NEDD4: variants seen among roughly 807,000 people sequenced by gnomAD.
The protein encoded by NEDD4 is NEDD4 E3 ubiquitin protein ligase.
NEDD4 carries 99 observed loss-of-function variants against 144.9 expected under a neutral mutation model. The ratio of observed to expected loss-of-function variants is 0.68; its 90% CI spans 0.58 to 0.81. The LOEUF is 0.81. Among genes scored for constraint, NEDD4 ranks in the 30% least tolerant of loss-of-function variants. The pLI, the probability that NEDD4 is intolerant of heterozygous loss-of-function variation, is 0.00. For missense variants in NEDD4, 985 were observed against 1,065.9 expected (o/e 0.92, Z 1.06); for synonymous variants, 318 against 350.6 (o/e 0.91, Z 1.04).
At chr15:55,940,342 T>C (rs1274108028) in intron 4 of NEDD4, among the ~76,000 whole-genome samples, 3 of 152,232 alleles carry the variant, frequency 2.0e-5, no homozygotes, top group Admixed American at 2.0e-4. Flanking sequence ...TGTATGCATA[T>C]GTTTAAACCT....
chr15:55,933,721 CTCTT>C (rs1188450988), intron 4 of NEDD4, among the ~76,000 whole-genome samples: 3 of 152,034 alleles, frequency 2.0e-5, no homozygotes, highest in Admixed American at 2.0e-4. Flanking sequence ...GGTTTTCCAC[CTCTT>C]TCTTGACACT....
intron 24 of NEDD4, among the ~76,000 whole-genome samples, chr15:55,834,627 C>T (rs2141963118): frequency 6.6e-6 from 1 of 152,044 alleles, no homozygotes; most frequent in African/African-American, 2.4e-5. Flanking sequence ...ACCATCTCTA[C>T]AAAAAAATAC....
rs374273351 is a variant in NEDD4, at chr15:55,829,643, T to TGTG, written c.*251_*253dup. On this transcript the variant is annotated 3_prime_UTR_variant, in exon 29 of 29. Coordinates refer to ENST00000435532, the MANE Select transcript of NEDD4 (RefSeq NM_006154.4). ...CTATTGTGTGAACTCTAAAGCCAGGTGTGGTGGTGCCTGGCTTTAGGCAGG... is the reference window on the plus strand; with the variant it reads ...CTATTGTGTGAACTCTAAAGCCAGGTGTGGTGGTGGTGCCTGGCTTTAGGCAGG... 52 of 363,454 alleles carry TGTG rather than the reference T, an allele frequency of 1.4e-4. No homozygotes were observed. Among genetic ancestry groups the TGTG allele is most frequent in the African/African-American group, 1.0e-3 (48 of 48,136 alleles). 22.5% of individuals were successfully genotyped at this position (363,454 alleles called of 1,614,324 possible).
intron 1 of NEDD4, among the ~76,000 whole-genome samples, chr15:55,989,891 T>C (rs1239665364): frequency 2.0e-5 from 3 of 152,110 alleles, no homozygotes; most frequent in Admixed American, 6.5e-5. Flanking sequence ...TTCATCTGTA[T>C]TTACAGCCAC....
At chr15:55,838,435 T>C (rs62046644) in intron 22 of NEDD4, 74 bp downstream of exon 22, 98,750 of 1,006,374 alleles carry the variant, frequency 0.098, 5,219 homozygotes, top group Middle Eastern at 0.12. Flanking sequence ...AGGAATGTAT[T>C]AAGTGTACGT....
intron 4 of NEDD4, among the ~76,000 whole-genome samples, chr15:55,926,905 G>A (rs1859284423): frequency 6.6e-6 from 1 of 151,836 alleles, no homozygotes; most frequent in Non-Finnish European, 1.5e-5. Context: ...GTGAAACCCT[G>A]TCTCTACTAA....
At chr15:55,895,205 A>G (rs1371693940) in intron 5 of NEDD4, among the ~76,000 whole-genome samples, 2 of 152,334 alleles carry the variant, frequency 1.3e-5, no homozygotes, top group African/African-American at 2.4e-5. Flanking sequence ...CTGAGCACTA[A>G]TTATGATATT....
chr15:55,983,439 C>T (rs539250014), intron 1 of NEDD4, among the ~76,000 whole-genome samples: 1 of 152,142 alleles, frequency 6.6e-6, no homozygotes, highest in Non-Finnish European at 1.5e-5. Flanking sequence ...TGTTTTAGCA[C>T]TCCAACCTTC....
intron 5 of NEDD4, among the ~76,000 whole-genome samples, chr15:55,917,923 T>C (rs1268394979): frequency 6.6e-6 from 1 of 152,124 alleles, no homozygotes; most frequent in Non-Finnish European, 1.5e-5. Context: ...GAGAGTGTTG[T>C]GGTAAGTAAA....
intron 4 of NEDD4, among the ~76,000 whole-genome samples, chr15:55,933,226 C>G (rs964401503): frequency 1.6e-4 from 25 of 152,080 alleles, no homozygotes; most frequent in African/African-American, 4.6e-4. Flanking sequence ...AAGACACATG[C>G]ACACGTATGT....
At position 55,842,061 on chromosome 15, in the gene NEDD4, C is replaced by A. The variant is rs1475896632; in HGVS notation, c.1711G>T (p.Ala571Ser). The A allele has an allele frequency of 1.2e-6, 2 of 1,614,054 alleles. No homozygotes were observed. Among genetic ancestry groups the A allele is most frequent in the African/African-American group, 1.3e-5 (1 of 74,920 alleles). Residue 571 changes from alanine (A) to serine (S), a missense_variant, in exon 19 of 29, where the codon GCT becomes TCT. By Grantham distance (99) the Ala-to-Ser change is moderately conservative. Transcript: ENST00000435532. ...CCATCAAACTCAATCCACAGTCGAG[C>A]CTTCAGGAAGTCTGCTCTCTTGACA... ...MGVKRADFLK[A>S]RLWIEFDGEK...
chr15:55,863,787 G>T (rs547948861), intron 8 of NEDD4, among the ~76,000 whole-genome samples: 1 of 152,078 alleles, frequency 6.6e-6, no homozygotes, highest in African/African-American at 2.4e-5. Flanking sequence ...CCTTGCTTAC[G>T]GTAGAAATCA....
At chr15:55,869,522 C>T (rs1197032669) in intron 8 of NEDD4, 57 bp downstream of exon 8, 12 of 957,766 alleles carry the variant, frequency 1.3e-5, no homozygotes, top group South Asian at 1.0e-4. Flanking sequence ...CTTCAGAGTA[C>T]AGTAAAATAA....
chr15:55,914,460 C>T (rs1383043676), intron 5 of NEDD4, among the ~76,000 whole-genome samples: 1 of 151,604 alleles, frequency 6.6e-6, no homozygotes, highest in Non-Finnish European at 1.5e-5. Flanking sequence ...AGTTAAATTA[C>T]TAATATAATA....
At chr15:55,871,267 G>T (rs560443925) in intron 7 of NEDD4, among the ~76,000 whole-genome samples, 1 of 152,188 alleles carries the variant, frequency 6.6e-6, no homozygotes, top group Non-Finnish European at 1.5e-5. Flanking sequence ...CTCTACAATT[G>T]TATGTTTCAT....
chr15:55,897,919 C>T (rs891147401), intron 5 of NEDD4, among the ~76,000 whole-genome samples: 2 of 152,180 alleles, frequency 1.3e-5, no homozygotes, highest in African/African-American at 4.8e-5. Context: ...ACACTCCCAT[C>T]CTTGGCTGTG....
intron 5 of NEDD4, among the ~76,000 whole-genome samples, chr15:55,920,258 A>G (rs981065845): frequency 6.6e-6 from 1 of 151,862 alleles, no homozygotes; most frequent in African/African-American, 2.4e-5. Context: ...TACATAAAAT[A>G]TATACACAAT....
chr15:55,856,326 A>C, intron 11 of NEDD4, 130 bp from the exon 12 acceptor site: 1 of 756,656 alleles, frequency 1.3e-6, no homozygotes, highest in Non-Finnish European at 2.2e-6. Context: ...AAATGTTGAG[A>C]GTGCAGGCTG....
intron 5 of NEDD4, among the ~76,000 whole-genome samples, chr15:55,877,451 T>C (rs2035034272): frequency 6.6e-6 from 1 of 152,250 alleles, no homozygotes; most frequent in African/African-American, 2.4e-5. Flanking sequence ...CACACGATAC[T>C]GATTTGTTGC....
Sources: gnomAD v4.1 joint callset for allele counts (sites outside exome capture counted in the v4.1 genomes callset) on GRCh38, gnomAD v4.1.1 for gene constraint, MANE v1.5 for transcripts, NCBI Gene and HGNC (gene_info 2026-07-23, HGNC 2026-07-21) for gene names.